The following WSCD1 variants were observed in gnomAD, a reference collection of about 807,000 sequenced individuals.
The protein encoded by WSCD1 is WSC domain sialate O sulfotransferase 1.
A neutral mutation model predicts 60.4 loss-of-function variants in WSCD1; 41 were observed. The observed-to-expected ratio is 0.68, with a 90% CI of 0.53 to 0.88. The LOEUF (loss-of-function observed/expected upper bound fraction) is 0.88. Among genes scored for constraint, WSCD1 ranks in the 40% least tolerant of loss-of-function variants. The probability of loss-of-function intolerance (pLI) is 0.00; values close to 1 mark genes in which losing one functional copy is unlikely to be tolerated. For synonymous variants in WSCD1, 361 were observed against 332.5 expected, an observed-to-expected ratio of 1.09 and a Z score of -0.93; for missense variants, 784 against 796.2, an observed-to-expected ratio of 0.98 and a Z score of 0.18.
At chr17:6,096,068 A>G (rs1253314266) in intron 5 of WSCD1, among the ~76,000 whole-genome samples, 2 of 152,224 alleles carry the variant, frequency 1.3e-5, no homozygotes, top group Non-Finnish European at 2.9e-5. Context: ...AATCAACAGA[A>G]GCTGCCATTC....
rs893884983 is a variant in WSCD1 at position 6,080,695 on chromosome 17, C to T, written c.37C>T (p.Arg13Cys). The T allele has an allele frequency of 5.0e-6, 8 of 1,613,642 alleles. No homozygotes were observed. The highest frequency in any genetic ancestry group is 1.1e-5 in the South Asian group (1 of 91,052). The change falls in exon 2 of 9, where the codon CGC becomes TGC. Residue 13 changes from arginine (R) to cysteine (C), a missense_variant. Physicochemically the swap from Arg to Cys is radical, Grantham distance 180 (BLOSUM62 -3). Coordinates refer to ENST00000317744, the MANE Select transcript of WSCD1 (RefSeq NM_015253.2). The surrounding 1 kb of genome is among the most constrained non-coding windows in gnomAD (Gnocchi z 6.6). ...TTTCTTCCGACTCCAGAAGTTTCTC[C>T]GCCGAACACAGTTCCTGCTGTTCTT... ...KPFFRLQKFLRRTQFLLFFLT... is the reference protein window; with the variant it reads ...KPFFRLQKFLCRTQFLLFFLT...
Position 6,101,475 on chromosome 17 carries a change from C to CT in WSCD1, c.849+6255dup, listed in dbSNP as rs1910796898. On this transcript the variant is annotated intron_variant, in intron 5 of 8. Coordinates refer to ENST00000317744, the MANE Select transcript of WSCD1 (RefSeq NM_015253.2). The surrounding 1 kb of genome is among the most constrained non-coding windows in gnomAD (Gnocchi z 4.1). ...AGGGGGTTCCTTGTAGTGCCCCCAC[C>CT]TTTGAGCACCATCTGAGGCTTATTT... Among the ~76,000 whole-genome samples the CT allele has an allele frequency of 6.6e-6, 1 of 152,072 alleles. No homozygotes were observed. Among genetic ancestry groups the CT allele is most frequent in the Non-Finnish European group, 1.5e-5 (1 of 68,026 alleles).
chr17:6,100,565 G>A (rs1417743349), intron 5 of WSCD1, among the ~76,000 whole-genome samples: 1 of 152,244 alleles, frequency 6.6e-6, no homozygotes, highest in Non-Finnish European at 1.5e-5. Context: ...CTCTGCAGAT[G>A]CCTGGCAGGG....
chr17:6,087,537 T>C (rs1421787993), intron 2 of WSCD1, among the ~76,000 whole-genome samples: 1 of 152,234 alleles, frequency 6.6e-6, no homozygotes, highest in African/African-American at 2.4e-5. Flanking sequence ...AAATCAAACT[T>C]GCCCTAACTG....
rs1206832564 is a variant in WSCD1, at chr17:6,080,902, C to G, written c.244C>G (p.Leu82Val). 2 of 1,598,548 alleles carry G rather than the reference C, an allele frequency of 1.3e-6. No individual in the cohort carries two copies. The highest frequency in any genetic ancestry group is 2.7e-5 in the African/African-American group (2 of 74,868). ...CGACCCTCGAGTCAGCCCAGAGCTG[C>G]TGCTGGGTGTGGACATGCTGCAGAG... ...LHDPRVSPEL[L>V]LGVDMLQSPL... The change falls in exon 2 of 9, where the codon CTG becomes GTG. Residue 82 changes from leucine to valine, a missense_variant. By Grantham distance (32) the Leu-to-Val change is conservative. Coordinates refer to ENST00000317744, the MANE Select transcript of WSCD1 (RefSeq NM_015253.2). The surrounding 1 kb of genome is among the most constrained non-coding windows in gnomAD (Gnocchi z 6.6).
chr17:6,107,374 A>G (rs1186709100), intron 5 of WSCD1, among the ~76,000 whole-genome samples: 1 of 151,804 alleles, frequency 6.6e-6, no homozygotes, highest in African/African-American at 2.4e-5. Context: ...GGTGGTGGCT[A>G]CCTGTAATCC....
Position 6,075,418 on chromosome 17 carries a change from C to T in WSCD1, c.-289+4766C>T, listed in dbSNP as rs1908786944. 6.6e-6 allele frequency among the ~76,000 whole-genome samples: 1 copy of T among 152,228 alleles called. No individual in the cohort carries two copies. Among genetic ancestry groups the T allele is most frequent in the South Asian group, 2.1e-4 (1 of 4,824 alleles). On this transcript the variant is annotated intron_variant, in intron 1 of 8. Transcript: ENST00000317744. The surrounding 1 kb of genome is among the most constrained non-coding windows in gnomAD (Gnocchi z 4.1). ...CCTCCTCTCCTCTCCCTGCTGCCAC[C>T]CCTCAGTCTCTGGACCCCTAGCCTG... is the stretch of plus-strand genomic sequence containing the variant.
chr17:6,099,384 G>A (rs1230828233), intron 5 of WSCD1, among the ~76,000 whole-genome samples: 5 of 151,892 alleles, frequency 3.3e-5, no homozygotes, highest in East Asian at 1.9e-4. Context: ...GTGTGGTGGC[G>A]CCTGCCTGTA....
intron 5 of WSCD1, among the ~76,000 whole-genome samples, chr17:6,106,747 T>C (rs1341548724): frequency 6.6e-6 from 1 of 151,760 alleles, no homozygotes; most frequent in Non-Finnish European, 1.5e-5. Context: ...GAATAGCATG[T>C]GGTGGTGATG....
chr17:6,106,627 AG>A (rs1458473410), intron 5 of WSCD1, among the ~76,000 whole-genome samples: 1 of 152,136 alleles, frequency 6.6e-6, no homozygotes, highest in Non-Finnish European at 1.5e-5. Flanking sequence ...GAATGGGGAG[AG>A]GGGCCTCCGG....
chr17:6,117,958 C>A (rs149640894), intron 7 of WSCD1, 30 bp from the exon 8 acceptor site: 1 of 1,611,020 alleles, frequency 6.2e-7, no homozygotes, highest in Non-Finnish European at 8.5e-7. Flanking sequence ...ACACCATCTT[C>A]CACAGAGACC....
At chr17:6,092,132 C>T (rs7215870) in intron 4 of WSCD1, among the ~76,000 whole-genome samples, 8,578 of 131,774 alleles carry the variant, frequency 0.065, 794 homozygotes, top group African/African-American at 0.22. Context: ...CCAGCCTGGG[C>T]GACAGAGTGA....
At chr17:6,114,153 TA>T (rs370433776) in intron 7 of WSCD1, among the ~76,000 whole-genome samples, 62 of 125,164 alleles carry the variant, frequency 5.0e-4, no homozygotes, top group African/African-American at 9.1e-4. Context: ...TAGTTAGCCG[TA>T]AAAAAAAAAA....
At chr17:6,090,222 A>T in intron 3 of WSCD1, 99 bp from the exon 4 acceptor site, 2 of 1,260,114 alleles carry the variant, frequency 1.6e-6, no homozygotes, top group Non-Finnish European at 2.1e-6. Context: ...AAAAAAAAAC[A>T]TACTTTCTAA....
chr17:6,084,122 T>A lies in WSCD1; in HGVS notation c.427+3037T>A, dbSNP rs114424469. 3.3e-3 allele frequency among the ~76,000 whole-genome samples: 499 copies of A among 152,258 alleles called. 2 individuals are homozygous for A. Among genetic ancestry groups the A allele is most frequent in the African/African-American group, 0.011 (452 of 41,556 alleles). On this transcript the variant is annotated intron_variant, in intron 2 of 8. Transcript: ENST00000317744. ...CTGCCTCCCCAGTGGCTCCCAGACC[T>A]CCCCCTTATCCAGCAAAGAGAGGGT...
At chr17:6,093,088 A>G (rs1910163097) in intron 4 of WSCD1, among the ~76,000 whole-genome samples, 1 of 152,236 alleles carries the variant, frequency 6.6e-6, no homozygotes, top group African/African-American at 2.4e-5. Flanking sequence ...GGTTCTGAGC[A>G]AGTCATCAAC....
chr17:6,116,051 A>G (rs1225944754), intron 7 of WSCD1, among the ~76,000 whole-genome samples: 1 of 152,120 alleles, frequency 6.6e-6, no homozygotes, highest in Non-Finnish European at 1.5e-5. Context: ...TGTCCATATA[A>G]CCCAGCCTTG....
rs551723530 is a variant in WSCD1 at position 6,088,939 on chromosome 17, C to T, written c.542+835C>T. On this transcript the variant is annotated intron_variant, in intron 3 of 8. Transcript: ENST00000317744. ...CTGGGACTACAGGCGCCCACCACCACGCCCGGCTAATTTTTTGTATTTTTA... is the reference window on the plus strand; with the variant it reads ...CTGGGACTACAGGCGCCCACCACCATGCCCGGCTAATTTTTTGTATTTTTA... Among the ~76,000 whole-genome samples the T allele has an allele frequency of 3.3e-3, 504 of 152,226 alleles. 2 individuals are homozygous for T. Among genetic ancestry groups the T allele is most frequent in the African/African-American group, 0.011 (450 of 41,548 alleles).
At chr17:6,112,795 G>A (rs1452040398) in intron 7 of WSCD1, among the ~76,000 whole-genome samples, 1 of 152,034 alleles carries the variant, frequency 6.6e-6, no homozygotes, top group African/African-American at 2.4e-5. Flanking sequence ...AATTGTAGAG[G>A]ACACACAAAA....
Sources: gnomAD v4.1 joint callset for allele counts (sites outside exome capture counted in the v4.1 genomes callset) on GRCh38, gnomAD v4.1.1 for gene constraint, Gnocchi (gnomAD v3.1) non-coding constraint, MANE v1.5 for transcripts, NCBI Gene and HGNC (gene_info 2026-07-23, HGNC 2026-07-21) for gene names.